COMMD10: variants seen among roughly 807,000 people sequenced by gnomAD.
COMMD10 encodes COMM domain containing 10.
COMMD10 carries 33 observed loss-of-function variants against 28.9 expected under a neutral mutation model. That is an observed-to-expected ratio of 1.14 (90% CI 0.87 to 1.53). The LOEUF (loss-of-function observed/expected upper bound fraction) is 1.53. Among genes scored for constraint, COMMD10 ranks in the 40% most tolerant of loss-of-function variants. The probability of loss-of-function intolerance (pLI) is 0.00; values close to 1 mark genes in which losing one functional copy is unlikely to be tolerated. For synonymous variants in COMMD10, 110 were observed against 81.7 expected, an observed-to-expected ratio of 1.35 and a Z score of -1.87; for missense variants, 310 against 233.4, an observed-to-expected ratio of 1.33 and a Z score of -2.14.
At position 116,144,714 on chromosome 5, in the gene COMMD10, A is replaced by C. The variant is rs559187177; in HGVS notation, c.510+10536A>C. 3.9e-5 allele frequency among the ~76,000 whole-genome samples: 6 copies of C among 152,002 alleles called. No individual in the cohort carries two copies. The South Asian group carries it at 1.2e-3, about 31-fold the overall frequency. ...AATGGACTTCTCTGATAACCTAGAC[A>C]ATTATGATTTCAATAACAATTGAGA... On this transcript the variant is annotated intron_variant, in intron 5 of 6. Coordinates refer to ENST00000274458, the MANE Select transcript of COMMD10 (RefSeq NM_016144.4).
At chr5:116,198,915 C>T (rs1748594467) in intron 5 of COMMD10, among the ~76,000 whole-genome samples, 1 of 152,164 alleles carries the variant, frequency 6.6e-6, no homozygotes, top group African/African-American at 2.4e-5. Context: ...AGCTGCTGTA[C>T]CATCCATGTG....
At chr5:116,132,355 A>T (rs533598652) in intron 4 of COMMD10, among the ~76,000 whole-genome samples, 33 of 152,270 alleles carry the variant, frequency 2.2e-4, no homozygotes, top group Non-Finnish European at 4.0e-4. Flanking sequence ...AGATCTTGAA[A>T]GATTGTGGCT....
chr5:116,205,188 G>A (rs1490283825), intron 5 of COMMD10, among the ~76,000 whole-genome samples: 3 of 152,022 alleles, frequency 2.0e-5, no homozygotes, highest in African/African-American at 7.2e-5. Context: ...AGAGAGGAAG[G>A]GGTCTCTTCA....
At chr5:116,287,553 G>T (rs945662774) in intron 5 of COMMD10, among the ~76,000 whole-genome samples, 1 of 151,464 alleles carries the variant, frequency 6.6e-6, no homozygotes, top group Admixed American at 6.6e-5. Context: ...TTTTGATTGG[G>T]GAGTTTAATC....
intron 4 of COMMD10, among the ~76,000 whole-genome samples, chr5:116,094,837 A>T (rs1195830761): frequency 1.3e-5 from 2 of 152,240 alleles, no homozygotes; most frequent in African/African-American, 4.8e-5. Flanking sequence ...ATAATATTCA[A>T]CCATAAAAGA....
chr5:116,271,174 C>G (rs953152494), intron 5 of COMMD10, among the ~76,000 whole-genome samples: 1 of 149,170 alleles, frequency 6.7e-6, no homozygotes, highest in South Asian at 2.1e-4. Flanking sequence ...AAAGAGTACT[C>G]TCTGTACAGG....
intron 5 of COMMD10, among the ~76,000 whole-genome samples, chr5:116,253,988 C>G (rs956163359): frequency 6.6e-6 from 1 of 152,082 alleles, no homozygotes; most frequent in African/African-American, 2.4e-5. Flanking sequence ...TGTTATTGGT[C>G]TTTTCAGAGA....
At chr5:116,164,510 A>C (rs11960815) in intron 5 of COMMD10, among the ~76,000 whole-genome samples, 77,220 of 152,000 alleles carry the variant, frequency 0.51, 22,286 homozygotes, top group Non-Finnish European at 0.65. Context: ...TTGTTGTCAA[A>C]TGTTCATGCC....
At chr5:116,127,815 T>C (rs1390662192) in intron 4 of COMMD10, among the ~76,000 whole-genome samples, 2 of 152,074 alleles carry the variant, frequency 1.3e-5, no homozygotes, top group African/African-American at 4.8e-5. Context: ...GTAGGAGATA[T>C]ACCTAGTGTA....
rs535138960 is a variant in COMMD10 at position 116,116,907 on chromosome 5, T to C, written c.400-17161T>C. ...GGTTTTAGAAGTTATATACACACAT[T>C]TAATTATGATACCTAACAAAGTATA... On this transcript the variant is annotated intron_variant, in intron 4 of 6. Coordinates refer to ENST00000274458, the MANE Select transcript of COMMD10 (RefSeq NM_016144.4). Among the ~76,000 whole-genome samples the C allele has an allele frequency of 2.0e-5, 3 of 152,228 alleles. No individual in the cohort carries two copies. The East Asian group carries it at 5.8e-4, about 29-fold the overall frequency.
At chr5:116,133,613 CT>C (rs1751930862) in intron 4 of COMMD10, among the ~76,000 whole-genome samples, 3 of 152,136 alleles carry the variant, frequency 2.0e-5, no homozygotes, top group Admixed American at 2.0e-4. Flanking sequence ...CAAATCTTAC[CT>C]GTATAGTACC....
At chr5:116,179,318 G>A (rs966860427) in intron 5 of COMMD10, among the ~76,000 whole-genome samples, 4 of 152,030 alleles carry the variant, frequency 2.6e-5, no homozygotes, top group East Asian at 1.9e-4. Flanking sequence ...TTTTATTGAC[G>A]AGGAAACAAA....
intron 4 of COMMD10, among the ~76,000 whole-genome samples, chr5:116,096,685 A>G (rs570062122): frequency 6.6e-6 from 1 of 152,194 alleles, no homozygotes; most frequent in South Asian, 2.1e-4. Context: ...GAAAGCATTC[A>G]GGCTCTTATC....
At chr5:116,149,418 G>A (rs1752443785) in intron 5 of COMMD10, among the ~76,000 whole-genome samples, 1 of 148,376 alleles carries the variant, frequency 6.7e-6, no homozygotes, top group South Asian at 2.2e-4. Context: ...CTAGATCCCT[G>A]AGGAATCGCC....
chr5:116,159,619 C>A (rs1218191362), intron 5 of COMMD10, among the ~76,000 whole-genome samples: 3 of 151,938 alleles, frequency 2.0e-5, no homozygotes, highest in Non-Finnish European at 4.4e-5. Context: ...GTGTTAAGCC[C>A]CTAAAGTGGT....
chr5:116,102,856 C>T (rs1750711120), intron 4 of COMMD10, among the ~76,000 whole-genome samples: 1 of 152,070 alleles, frequency 6.6e-6, no homozygotes, highest in African/African-American at 2.4e-5. Flanking sequence ...GTGATTCCCC[C>T]ACCCCTTATG....
At chr5:116,203,099 A>G (rs1270258690) in intron 5 of COMMD10, among the ~76,000 whole-genome samples, 2 of 152,030 alleles carry the variant, frequency 1.3e-5, no homozygotes, top group African/African-American at 4.8e-5. Context: ...TCAGCTTTCT[A>G]CATATGGCTA....
chr5:116,211,419 G>A (rs747878220), intron 5 of COMMD10, among the ~76,000 whole-genome samples: 1 of 152,082 alleles, frequency 6.6e-6, no homozygotes, highest in Non-Finnish European at 1.5e-5. Context: ...GTAAGTATTT[G>A]TATATTTAAA....
intron 5 of COMMD10, among the ~76,000 whole-genome samples, chr5:116,243,474 A>AT (rs1749865413): frequency 2.0e-5 from 3 of 152,314 alleles, no homozygotes; most frequent in African/African-American, 7.2e-5. Context: ...TATAAAACAT[A>AT]CAAATTCCTA....
Sources: allele counts gnomAD v4.1 joint callset (sites outside exome capture counted in the v4.1 genomes callset), GRCh38; gene constraint gnomAD v4.1.1; transcripts MANE v1.5; gene names NCBI Gene and HGNC (gene_info 2026-07-23, HGNC 2026-07-21).